The following EIF4EBP1 variants were observed in gnomAD, a reference collection of about 807,000 sequenced individuals.
EIF4EBP1 encodes eukaryotic translation initiation factor 4E binding protein 1, also known as eukaryotic translation initiation factor 4E-binding protein 1.
A neutral mutation model predicts 9.2 loss-of-function variants in EIF4EBP1; 5 were observed. That is an observed-to-expected ratio of 0.54 (90% confidence interval 0.28 to 1.14). The LOEUF (loss-of-function observed/expected upper bound fraction) is 1.14, where lower values mean the gene tolerates loss of function less well. EIF4EBP1 is among the 50% of genes most tolerant of loss of function. The pLI is 0.09. For synonymous variants in EIF4EBP1, 62 were observed against 67.0 expected (o/e 0.93, Z 0.36); for missense variants, 139 against 169.6 (o/e 0.82, Z 1.00).
chr8:38,035,929 G>T (rs1394334627), intron 1 of EIF4EBP1, among the ~76,000 whole-genome samples: 3 of 149,538 alleles, frequency 2.0e-5, no homozygotes, highest in Non-Finnish European at 4.5e-5. Flanking sequence ...GGCTGGTCTC[G>T]AACTCCTGAC....
At chr8:38,059,784 A>C (rs893024855) in intron 2 of EIF4EBP1, 120 bp from the exon 3 acceptor site, 14 of 1,026,340 alleles carry the variant, frequency 1.4e-5, no homozygotes, top group Admixed American at 4.6e-5. Context: ...AACAAAAAAA[A>C]ACTTATTTTC....
chr8:38,056,421 T>G (rs1030098726), intron 1 of EIF4EBP1, among the ~76,000 whole-genome samples: 5 of 152,152 alleles, frequency 3.3e-5, no homozygotes, highest in Admixed American at 2.6e-4. Flanking sequence ...TAGAAATGCA[T>G]TTTTTCCACC....
intron 1 of EIF4EBP1, among the ~76,000 whole-genome samples, chr8:38,031,651 C>CT (rs1299525022): frequency 1.1e-4 from 16 of 152,182 alleles, no homozygotes; most frequent in African/African-American, 3.9e-4. Flanking sequence ...GATCCTGGCG[C>CT]TTGGCTAGGT....
intron 1 of EIF4EBP1, among the ~76,000 whole-genome samples, chr8:38,051,877 G>A (rs185413862): frequency 5.9e-5 from 9 of 152,250 alleles, no homozygotes; most frequent in African/African-American, 4.8e-5. Flanking sequence ...GATTACAGGC[G>A]TGAGCCACTG....
chr8:38,053,493 G>A (rs1179903152), intron 1 of EIF4EBP1, among the ~76,000 whole-genome samples: 1 of 152,224 alleles, frequency 6.6e-6, no homozygotes, highest in Non-Finnish European at 1.5e-5. Context: ...TGGGATTACA[G>A]GTGTGTGCCA....
intron 1 of EIF4EBP1, among the ~76,000 whole-genome samples, chr8:38,035,183 A>T (rs1247491408): frequency 6.6e-6 from 1 of 151,628 alleles, no homozygotes; most frequent in African/African-American, 2.4e-5. Flanking sequence ...GGTGTAGAGC[A>T]CTCCAAAATC....
At chr8:38,035,356 T>C (rs1477709825) in intron 1 of EIF4EBP1, among the ~76,000 whole-genome samples, 1 of 151,982 alleles carries the variant, frequency 6.6e-6, no homozygotes, top group East Asian at 2.0e-4. Flanking sequence ...TAGCTGGGAT[T>C]ACAGGCATGT....
intron 1 of EIF4EBP1, among the ~76,000 whole-genome samples, chr8:38,039,440 C>T (rs374706820): frequency 8.2e-6 from 1 of 121,472 alleles, no homozygotes; most frequent in Non-Finnish European, 1.6e-5. Context: ...GAGTGTTGCT[C>T]TATCGCCCAG....
At chr8:38,058,810 A>T (rs1012103924) in intron 2 of EIF4EBP1, among the ~76,000 whole-genome samples, 2 of 152,220 alleles carry the variant, frequency 1.3e-5, no homozygotes, top group African/African-American at 2.4e-5. Context: ...GTGGCCAGGC[A>T]CAGTGGCTCA....
At chr8:38,033,897 C>T (rs913511414) in intron 1 of EIF4EBP1, among the ~76,000 whole-genome samples, 9 of 151,966 alleles carry the variant, frequency 5.9e-5, no homozygotes, top group African/African-American at 2.2e-4. Context: ...CAGGCGCCCG[C>T]GATCAAGCCC....
chr8:38,044,898 G>T (rs922876112), intron 1 of EIF4EBP1, among the ~76,000 whole-genome samples: 1 of 152,166 alleles, frequency 6.6e-6, no homozygotes, highest in African/African-American at 2.4e-5. Flanking sequence ...AGCACGTCAG[G>T]CTGTGAGCAC....
In EIF4EBP1 at chr8:38,060,071, C is replaced by A; in HGVS notation, c.*136C>A. The A allele has an allele frequency of 1.2e-6, 1 of 851,454 alleles. No homozygotes were observed. Among genetic ancestry groups the A allele is most frequent in the South Asian group, 1.4e-5 (1 of 72,810 alleles). The allele number at this position is 851,454 out of a possible 1,614,324, so 52.7% of individuals were successfully genotyped here. On this transcript the variant is annotated 3_prime_UTR_variant, in exon 3 of 3. Transcript: ENST00000338825. ...GGGGTCGGACACCCCAGCCCTTTCTCCCTCACTCAGGGCACCTGCCCCCTC... is the reference window on the plus strand; with the variant it reads ...GGGGTCGGACACCCCAGCCCTTTCTACCTCACTCAGGGCACCTGCCCCCTC...
chr8:38,032,148 C>T (rs1809233990), intron 1 of EIF4EBP1, among the ~76,000 whole-genome samples: 2 of 151,980 alleles, frequency 1.3e-5, no homozygotes, highest in Admixed American at 6.6e-5. Flanking sequence ...GGCCTGAAGG[C>T]GCAGGTAGCC....
At chr8:38,052,958 G>A (rs1202769162) in intron 1 of EIF4EBP1, among the ~76,000 whole-genome samples, 1 of 152,190 alleles carries the variant, frequency 6.6e-6, no homozygotes, top group East Asian at 1.9e-4. Flanking sequence ...TTAAGTAACT[G>A]TGGTAGCCAT....
At chr8:38,039,467 G>A (rs1809349226) in intron 1 of EIF4EBP1, among the ~76,000 whole-genome samples, 1 of 140,756 alleles carries the variant, frequency 7.1e-6, no homozygotes, top group African/African-American at 2.7e-5. Flanking sequence ...GTGCAGTGGT[G>A]CAATCTCTGC....
chr8:38,039,540 G>C (rs1809349813), intron 1 of EIF4EBP1, among the ~76,000 whole-genome samples: 1 of 151,586 alleles, frequency 6.6e-6, no homozygotes, highest in Non-Finnish European at 1.5e-5. Flanking sequence ...TGAGTAGCTG[G>C]GATTATAGGC....
At chr8:38,055,068 GA>G (rs1280222890) in intron 1 of EIF4EBP1, among the ~76,000 whole-genome samples, 2 of 152,304 alleles carry the variant, frequency 1.3e-5, no homozygotes, top group East Asian at 3.9e-4. Flanking sequence ...AAGGGGACAG[GA>G]GAGTAAGACC....
chr8:38,053,010 T>C (rs1809546456), intron 1 of EIF4EBP1, among the ~76,000 whole-genome samples: 1 of 152,224 alleles, frequency 6.6e-6, no homozygotes, highest in African/African-American at 2.4e-5. Flanking sequence ...CTTTTAAGTA[T>C]AATTAATGAT....
chr8:38,039,574 T>C (rs1022190366), intron 1 of EIF4EBP1, among the ~76,000 whole-genome samples: 3 of 151,690 alleles, frequency 2.0e-5, no homozygotes, highest in Admixed American at 6.6e-5. Flanking sequence ...CCCAGCTAAT[T>C]TGTATTTTTA....
Sources: allele counts gnomAD v4.1 joint callset (sites outside exome capture counted in the v4.1 genomes callset), GRCh38; gene constraint gnomAD v4.1.1; transcripts MANE v1.5; gene names NCBI Gene and HGNC (gene_info 2026-07-23, HGNC 2026-07-21).